Variants in IGF2BP3 observed in about 807,000 individuals in gnomAD.
IGF2BP3 encodes insulin-like growth factor 2 mRNA-binding protein 3.
A neutral mutation model predicts 73.8 loss-of-function variants in IGF2BP3; 9 were observed. The observed-to-expected ratio is 0.12, with a 90% CI of 0.07 to 0.21. The LOEUF (loss-of-function observed/expected upper bound fraction) is 0.21. Ranked by LOEUF, IGF2BP3 falls within the 10% of genes least tolerant of loss-of-function variation. IGF2BP3 has a pLI of 1.00. For synonymous variants in IGF2BP3, 258 were observed against 256.7 expected (o/e 1.01, Z -0.05); for missense variants, 542 against 714.0 (o/e 0.76, Z 2.75).
intron 2 of IGF2BP3, among the ~76,000 whole-genome samples, chr7:23,435,275 A>G (rs1787780764): frequency 7.7e-6 from 1 of 129,990 alleles, no homozygotes; most frequent in African/African-American, 2.9e-5. Flanking sequence ...CCCAGGCGAC[A>G]GAGCAAGACT....
intron 3 of IGF2BP3, among the ~76,000 whole-genome samples, chr7:23,372,287 C>A (rs193236137): frequency 3.9e-5 from 6 of 152,044 alleles, no homozygotes; most frequent in Admixed American, 6.6e-5. Context: ...GTTGGCCAGG[C>A]TGGCCTCAAA....
At chr7:23,346,310 T>C in intron 7 of IGF2BP3, 3 of 417,068 alleles carry the variant, frequency 7.2e-6, no homozygotes, top group Non-Finnish European at 1.3e-5. Context: ...TCTTCAGTGA[T>C]GGAGTCTCTT....
rs554644186 is a variant in IGF2BP3 at position 23,410,385 on chromosome 7, C to G, written c.285+8391G>C. Among the ~76,000 whole-genome samples the G allele has an allele frequency of 6.2e-4, 95 of 152,152 alleles. 1 individual carries two copies. Among genetic ancestry groups the G allele is most frequent in the African/African-American group, 2.3e-3 (95 of 41,518 alleles). On this transcript the variant is annotated intron_variant, in intron 3 of 14. Transcript: ENST00000258729. ...ATCAACTGATAAAGGGCATGATGAC[C>G]TTTAAGATGATCATATCCAGAAAAA...
chr7:23,344,513 C>G (rs1009416606), intron 8 of IGF2BP3, among the ~76,000 whole-genome samples: 2 of 152,226 alleles, frequency 1.3e-5, no homozygotes, highest in African/African-American at 4.8e-5. Context: ...CAGAAATATT[C>G]AGAAACTCCC....
chr7:23,444,240 G>A (rs1423670921), intron 2 of IGF2BP3, among the ~76,000 whole-genome samples: 1 of 151,916 alleles, frequency 6.6e-6, no homozygotes, highest in Non-Finnish European at 1.5e-5. Context: ...CTGAATATCA[G>A]AAAAATCTTT....
chr7:23,330,687 G>C (rs1322408047), intron 10 of IGF2BP3, among the ~76,000 whole-genome samples: 5 of 152,120 alleles, frequency 3.3e-5, no homozygotes, highest in Admixed American at 3.3e-4. Flanking sequence ...CAGGTGATCC[G>C]CCCGCCTTGG....
At chr7:23,466,011 G>A (rs567601408) in intron 2 of IGF2BP3, among the ~76,000 whole-genome samples, 8 of 150,862 alleles carry the variant, frequency 5.3e-5, no homozygotes, top group Admixed American at 4.7e-4. Flanking sequence ...ATTTCCAGAG[G>A]CAGAGAAAAA....
chr7:23,442,711 T>C (rs867898889), intron 2 of IGF2BP3, among the ~76,000 whole-genome samples: 12 of 152,176 alleles, frequency 7.9e-5, no homozygotes, highest in South Asian at 2.1e-4. Context: ...TTTTTTCATT[T>C]TTAAAATAAC....
intron 12 of IGF2BP3, among the ~76,000 whole-genome samples, chr7:23,314,372 C>T (rs933566395): frequency 2.6e-5 from 4 of 151,126 alleles, no homozygotes; most frequent in African/African-American, 9.7e-5. Context: ...TTTTAGTAGG[C>T]ATGGGGTTTC....
In IGF2BP3 at chr7:23,343,708, C is replaced by A; in HGVS notation, c.1077+10G>T. 1 of 1,607,210 alleles carries A rather than the reference C, an allele frequency of 6.2e-7. No homozygotes were observed. Among genetic ancestry groups the A allele is most frequent in the East Asian group, 2.2e-5 (1 of 44,850 alleles). Reference sequence around the variant, plus strand: ...TAAAATAAAGACATGCCCTTCATAACAAAACTAACATTCATAGAAGCAATA... The same window carrying A: ...TAAAATAAAGACATGCCCTTCATAAAAAAACTAACATTCATAGAAGCAATA... On this transcript the variant is annotated intron_variant, in intron 9 of 14. Coordinates refer to ENST00000258729, the MANE Select transcript of IGF2BP3 (RefSeq NM_006547.3).
intron 5 of IGF2BP3, among the ~76,000 whole-genome samples, chr7:23,352,234 G>A (rs1468674420): frequency 6.7e-6 from 1 of 149,088 alleles, no homozygotes; most frequent in Non-Finnish European, 1.5e-5. Flanking sequence ...AAAAGAGTGT[G>A]CCCATTCTAC....
chr7:23,347,505 T>C (rs1784857890), intron 7 of IGF2BP3, 95 bp downstream of exon 7: 2 of 1,333,716 alleles, frequency 1.5e-6, no homozygotes, highest in African/African-American at 1.5e-5. Flanking sequence ...CATTTCCCTC[T>C]GTTTGTTGGC....
chr7:23,312,504 A>G lies in IGF2BP3; in HGVS notation c.1642-44T>C, dbSNP rs1311227021. The G allele has an allele frequency of 2.2e-6, 3 of 1,361,412 alleles. No homozygotes were observed. In the African/African-American group the frequency reaches 4.3e-5, roughly 20 times the overall value. The allele number at this position is 1,361,412 out of a possible 1,614,324, so 84.3% of individuals were successfully genotyped here. ...TTGAAATTCCACTTGATCAAAAGCT[A>G]CTAAAAGTTATTGTACTCCTTCATT... On this transcript the variant is annotated intron_variant, in intron 14 of 14. Transcript: ENST00000258729.
chr7:23,367,978 C>A (rs1354723138), intron 3 of IGF2BP3, among the ~76,000 whole-genome samples: 5 of 151,304 alleles, frequency 3.3e-5, no homozygotes, highest in South Asian at 2.1e-4. Context: ...CCAGCCTGGG[C>A]AACAGATAGA....
intron 2 of IGF2BP3, among the ~76,000 whole-genome samples, chr7:23,450,990 G>T (rs1280705574): frequency 6.6e-6 from 1 of 152,144 alleles, no homozygotes; most frequent in East Asian, 1.9e-4. Context: ...ATATCCATAT[G>T]TGGCTGGATT....
intron 10 of IGF2BP3, among the ~76,000 whole-genome samples, chr7:23,338,882 T>C (rs1466156375): frequency 6.6e-6 from 1 of 152,270 alleles, no homozygotes; most frequent in Non-Finnish European, 1.5e-5. Flanking sequence ...ATGATTTGGA[T>C]AAATGATTTA....
intron 3 of IGF2BP3, among the ~76,000 whole-genome samples, chr7:23,388,053 G>C (rs528496077): frequency 6.6e-6 from 1 of 152,098 alleles, no homozygotes; most frequent in South Asian, 2.1e-4. Flanking sequence ...CCATTCTCCT[G>C]CCTCAGCCTC....
intron 2 of IGF2BP3, among the ~76,000 whole-genome samples, chr7:23,459,168 A>G (rs1788387069): frequency 1.3e-5 from 2 of 152,208 alleles, no homozygotes; most frequent in African/African-American, 2.4e-5. Context: ...AAGTCTCGAA[A>G]GGAGTTATTC....
At chr7:23,322,191 T>C (rs1279850463) in intron 10 of IGF2BP3, among the ~76,000 whole-genome samples, 2 of 152,104 alleles carry the variant, frequency 1.3e-5, no homozygotes, top group Non-Finnish European at 2.9e-5. Flanking sequence ...TAGAAGAATG[T>C]ATAACTAGAA....
Sources: allele counts gnomAD v4.1 joint callset (sites outside exome capture counted in the v4.1 genomes callset), GRCh38; gene constraint gnomAD v4.1.1; transcripts MANE v1.5; gene names NCBI Gene and HGNC (gene_info 2026-07-23, HGNC 2026-07-21).